CELF2: variants seen among roughly 807,000 people sequenced by gnomAD.
CELF2 encodes CUGBP Elav-like family member 2.
Under a neutral mutation model 62.6 loss-of-function variants are expected in CELF2, and 8 were observed. That is an observed-to-expected ratio of 0.13 (90% CI 0.07 to 0.23). The LOEUF (loss-of-function observed/expected upper bound fraction) is 0.23, where lower values mean the gene tolerates loss of function less well. Among genes scored for constraint, CELF2 ranks in the 10% least tolerant of loss-of-function variants. The pLI is 1.00. For synonymous variants in CELF2, 258 were observed against 250.0 expected (o/e 1.03, Z -0.30); for missense variants, 333 against 671.0 (o/e 0.50, Z 5.56).
At chr10:10,726,722 C>G in the CELF2 span, among the ~76,000 whole-genome samples, 1 of 152,152 alleles carries the variant, frequency 6.6e-6, no homozygotes, top group African/African-American at 2.4e-5. Flanking sequence ...TTTATAAGCA[C>G]CTACCTCAAA....
the CELF2 span, among the ~76,000 whole-genome samples, chr10:10,647,126 C>T: frequency 6.6e-6 from 1 of 152,174 alleles, no homozygotes; most frequent in African/African-American, 2.4e-5. Context: ...AACTGCTCTG[C>T]CTTACATAAC....
chr10:10,654,048 C>A, the CELF2 span, among the ~76,000 whole-genome samples: 1 of 149,544 alleles, frequency 6.7e-6, no homozygotes, highest in Non-Finnish European at 1.5e-5. Context: ...CACCACTGAT[C>A]CCACAGAAAT....
At chr10:10,673,755 A>G in the CELF2 span, among the ~76,000 whole-genome samples, 4 of 152,160 alleles carry the variant, frequency 2.6e-5, no homozygotes, top group Non-Finnish European at 5.9e-5. Flanking sequence ...ATTTGGCTCA[A>G]AATGTTTTTT....
At chr10:10,506,790 G>A in the CELF2 span, among the ~76,000 whole-genome samples, 1 of 140,938 alleles carries the variant, frequency 7.1e-6, no homozygotes, top group Admixed American at 7.7e-5. Context: ...TAAGCCTCCC[G>A]AGTAGCTGGG....
At chr10:10,644,357 G>A in the CELF2 span, among the ~76,000 whole-genome samples, 1 of 152,078 alleles carries the variant, frequency 6.6e-6, no homozygotes, top group Non-Finnish European at 1.5e-5. Context: ...AAACAGCAAA[G>A]CACTTACATT....
the CELF2 span, among the ~76,000 whole-genome samples, chr10:10,495,261 A>C: frequency 6.6e-6 from 1 of 152,222 alleles, no homozygotes; most frequent in Non-Finnish European, 1.5e-5. Flanking sequence ...CCTGGGCGAC[A>C]GAGCGAGACT....
chr10:10,534,769 C>T, the CELF2 span, among the ~76,000 whole-genome samples: 1 of 152,142 alleles, frequency 6.6e-6, no homozygotes, highest in African/African-American at 2.4e-5. Flanking sequence ...AGAGGTCACC[C>T]TGATATATTA....
the CELF2 span, among the ~76,000 whole-genome samples, chr10:10,581,954 G>A: frequency 6.6e-6 from 1 of 152,106 alleles, no homozygotes; most frequent in African/African-American, 2.4e-5. Flanking sequence ...CTTGAACCCA[G>A]GAGGCACAGG....
chr10:11,297,455 G>A lies in CELF2; in HGVS notation c.976+8903G>A, dbSNP rs2093313994. Among the ~76,000 whole-genome samples the A allele has an allele frequency of 6.6e-6, 1 of 152,052 alleles. No homozygotes were observed. The highest frequency in any genetic ancestry group is 2.1e-4 in the South Asian group (1 of 4,830). Reference sequence around the variant, plus strand: ...GGGGTCTGTGCTTGTGGAACAGAGGGACCAGGGGATGGAAAGGGAGCTTTC... The same window carrying A: ...GGGGTCTGTGCTTGTGGAACAGAGGAACCAGGGGATGGAAAGGGAGCTTTC... On this transcript the variant is annotated intron_variant, in intron 9 of 12. Transcript: ENST00000633077. The surrounding 1 kb of genome is among the most constrained non-coding windows in gnomAD (Gnocchi z 4.4).
At chr10:11,090,831 T>C (rs963882943) in intron 1 of CELF2, among the ~76,000 whole-genome samples, 1 of 152,232 alleles carries the variant, frequency 6.6e-6, no homozygotes, top group Non-Finnish European at 1.5e-5. Flanking sequence ...CATCAATGTT[T>C]AGGTGAAAAT....
chr10:11,028,073 T>C (rs118087788), intron 1 of CELF2, among the ~76,000 whole-genome samples: 1,547 of 152,324 alleles, frequency 0.01, 19 homozygotes, highest in Non-Finnish European at 0.014. Context: ...TAAAGCATTG[T>C]TGCTCCCAAG....
chr10:10,788,248 A>G, the CELF2 span, among the ~76,000 whole-genome samples: 1 of 152,162 alleles, frequency 6.6e-6, no homozygotes, highest in Non-Finnish European at 1.5e-5. Flanking sequence ...GCAAACTTCA[A>G]AATAGGACCT....
the CELF2 span, among the ~76,000 whole-genome samples, chr10:10,762,806 C>T: frequency 6.6e-6 from 1 of 152,176 alleles, no homozygotes; most frequent in African/African-American, 2.4e-5. Flanking sequence ...CGTTGAGAGG[C>T]CAAGGCAGGG....
the CELF2 span, among the ~76,000 whole-genome samples, chr10:10,542,596 G>A: frequency 5.3e-5 from 8 of 152,200 alleles, no homozygotes; most frequent in African/African-American, 1.4e-4. Flanking sequence ...TAGGGAAGCC[G>A]CACAGGCTAA....
the CELF2 span, among the ~76,000 whole-genome samples, chr10:10,648,504 A>G: frequency 6.6e-6 from 1 of 152,210 alleles, no homozygotes; most frequent in Non-Finnish European, 1.5e-5. Context: ...TGCAGTAGGT[A>G]AAAGAAAGTA....
intron 2 of CELF2, among the ~76,000 whole-genome samples, chr10:11,197,046 A>G (rs1444623975): frequency 7.2e-5 from 8 of 111,600 alleles, no homozygotes; most frequent in African/African-American, 3.5e-4. Context: ...AGAAAGAAAG[A>G]AAGAAAGAAA....
In CELF2 at chr10:10,931,149, T is replaced by A. The variant is rs958918967; in HGVS notation, c.89+11150T>A. 3.9e-5 allele frequency among the ~76,000 whole-genome samples: 6 copies of A among 152,352 alleles called. No individual in the cohort carries two copies. The East Asian group carries it at 9.6e-4, about 24-fold the overall frequency. ...TTTGTAAATGTTTCTATTATGTATTTTCCTTTTCCTTCTTTCTGGCGAATA... is the reference window on the plus strand; with the variant it reads ...TTTGTAAATGTTTCTATTATGTATTATCCTTTTCCTTCTTTCTGGCGAATA... On this transcript the variant is annotated intron_variant, in intron 2 of 13. Coordinates refer to the CELF2 transcript ENST00000636488. The surrounding 1 kb of genome is among the most constrained non-coding windows in gnomAD (Gnocchi z 6.1).
intron 1 of CELF2, among the ~76,000 whole-genome samples, chr10:11,028,387 G>A (rs1023628154): frequency 9.2e-5 from 14 of 151,384 alleles, no homozygotes; most frequent in East Asian, 2.0e-4. Flanking sequence ...AAACCCAGCC[G>A]TTAAGGAAAC....
the CELF2 span, among the ~76,000 whole-genome samples, chr10:10,729,764 G>A: frequency 2.0e-5 from 3 of 152,028 alleles, no homozygotes; most frequent in Admixed American, 2.0e-4. Context: ...GGGCAACAGA[G>A]GGAGATTGTC....
Sources: allele counts gnomAD v4.1 joint callset (sites outside exome capture counted in the v4.1 genomes callset), GRCh38; gene constraint gnomAD v4.1.1; non-coding constraint Gnocchi (gnomAD v3.1); transcripts MANE v1.5; gene names NCBI Gene and HGNC (gene_info 2026-07-23, HGNC 2026-07-21).